The following DLC1 variants were observed in gnomAD, a reference collection of about 807,000 sequenced individuals.
DLC1 encodes the protein rho GTPase-activating protein 7.
DLC1 carries 54 observed loss-of-function variants against 140.3 expected under a neutral mutation model. That is an observed-to-expected ratio of 0.38 (90% CI 0.31 to 0.48). The LOEUF (loss-of-function observed/expected upper bound fraction) is 0.48. DLC1 is among the 20% of genes least tolerant of loss of function. The pLI is 0.96. For missense variants in DLC1, 2,536 were observed against 1,907.0 expected (o/e 1.33, Z -6.14); for synonymous variants, 986 against 728.1 (o/e 1.35, Z -5.70).
chr8:13,549,428 G>C (rs532318310), intron 1 of DLC1, among the ~76,000 whole-genome samples: 12 of 152,224 alleles, frequency 7.9e-5, no homozygotes, highest in African/African-American at 2.6e-4. Context: ...TAAAGCTCTA[G>C]ATAAGGTAAG....
At chr8:13,351,568 A>G (rs1834664133) in intron 4 of DLC1, among the ~76,000 whole-genome samples, 1 of 152,242 alleles carries the variant, frequency 6.6e-6, no homozygotes, top group Admixed American at 6.5e-5. Context: ...AATAGAAATC[A>G]TAGTGTCCAC....
chr8:13,138,736 G>T (rs539907923), intron 5 of DLC1, among the ~76,000 whole-genome samples: 1 of 152,210 alleles, frequency 6.6e-6, no homozygotes, highest in South Asian at 2.1e-4. Flanking sequence ...ACCCCAATCT[G>T]GGTTCTCCCC....
intron 4 of DLC1, among the ~76,000 whole-genome samples, chr8:13,326,081 A>G (rs977258685): frequency 3.9e-5 from 6 of 152,168 alleles, no homozygotes; most frequent in African/African-American, 1.4e-4. Flanking sequence ...GTGTAAGTTC[A>G]CTCTATGATG....
At chr8:13,462,551 C>T (rs1057162486) in intron 2 of DLC1, among the ~76,000 whole-genome samples, 5 of 147,294 alleles carry the variant, frequency 3.4e-5, no homozygotes, top group Non-Finnish European at 7.5e-5. Flanking sequence ...CTACAGGTGT[C>T]CGCCACCACG....
At chr8:13,379,610 C>A (rs576420379) in intron 4 of DLC1, among the ~76,000 whole-genome samples, 5 of 152,058 alleles carry the variant, frequency 3.3e-5, no homozygotes, top group Non-Finnish European at 7.4e-5. Context: ...AATTGGGGAC[C>A]CTCTTTACTT....
intron 1 of DLC1, chr8:13,536,220 A>C (rs1803277471): frequency 6.6e-6 from 1 of 152,242 alleles, no homozygotes; most frequent in Non-Finnish European, 1.5e-5. Context: ...CATATACAAC[A>C]CAAAGTGAAG....
intron 2 of DLC1, among the ~76,000 whole-genome samples, chr8:13,489,825 A>C (rs1377106482): frequency 6.6e-6 from 1 of 152,230 alleles, no homozygotes; most frequent in Non-Finnish European, 1.5e-5. Flanking sequence ...TATAGATTCT[A>C]CTAGAATTTG....
chr8:13,547,062 A>G (rs1196073366), intron 1 of DLC1, among the ~76,000 whole-genome samples: 1 of 152,124 alleles, frequency 6.6e-6, no homozygotes. Flanking sequence ...TTTTTATTGC[A>G]TGCGACTGCT....
chr8:13,224,252 T>C (rs1828685831), intron 5 of DLC1, among the ~76,000 whole-genome samples: 1 of 152,214 alleles, frequency 6.6e-6, no homozygotes, highest in Admixed American at 6.5e-5. Context: ...ACAAAGCTTT[T>C]ATAAAAATAG....
chr8:13,571,745 C>T (rs747197156), intron 1 of DLC1, among the ~76,000 whole-genome samples: 14 of 152,166 alleles, frequency 9.2e-5, no homozygotes, highest in Non-Finnish European at 1.8e-4. Flanking sequence ...TGCTGGATCA[C>T]GTGGTAATTC....
intron 4 of DLC1, among the ~76,000 whole-genome samples, chr8:13,382,529 A>AAAAAAGAAAGAAAG (rs557423876): frequency 9.1e-6 from 1 of 109,432 alleles, no homozygotes; most frequent in Non-Finnish European, 1.8e-5. Context: ...AAAAAAAAAA[A>AAAAAAGAAAGAAAG]AAAGAAAGAG....
intron 4 of DLC1, among the ~76,000 whole-genome samples, chr8:13,306,118 T>C (rs558987234): frequency 5.3e-5 from 8 of 151,254 alleles, no homozygotes; most frequent in Non-Finnish European, 8.8e-5. Flanking sequence ...GCAGCCTCTA[T>C]AAAGCGTACC....
intron 1 of DLC1, chr8:13,536,220 AC>A (rs1172558320): frequency 6.6e-6 from 1 of 152,124 alleles, no homozygotes; most frequent in Non-Finnish European, 1.5e-5. Flanking sequence ...CATATACAAC[AC>A]AAAGTGAAGG....
chr8:13,532,310 G>T lies in DLC1; in HGVS notation c.-125-32114C>A, dbSNP rs555998962. On this transcript the variant is annotated intron_variant, in intron 1 of 1. Coordinates refer to the DLC1 transcript ENST00000631382. Reference sequence around the variant, plus strand: ...ACAAAACCCCACAAATGCTAGAAGAGGCTTGCTTTCCCTGATTTCTTTTAC... The same window carrying T: ...ACAAAACCCCACAAATGCTAGAAGATGCTTGCTTTCCCTGATTTCTTTTAC... 2.6e-5 allele frequency among the ~76,000 whole-genome samples: 4 copies of T among 152,244 alleles called. No homozygotes were observed. The South Asian group carries it at 8.3e-4, about 32-fold the overall frequency.
Position 13,595,020 on chromosome 8 carries a change from GA to G in DLC1, c.-126+9516del, listed in dbSNP as rs561713576. On this transcript the variant is annotated intron_variant, in intron 1 of 1. Transcript: ENST00000631382. The stretch of plus-strand genomic sequence containing the variant: ...GTATAGACTTCTTCAATTGTTGTGA[GA>G]AAAAAAAAAGTGGACTAGCCTGGAT... Among the ~76,000 whole-genome samples the G allele has an allele frequency of 3.1e-4, 45 of 146,056 alleles. No homozygotes were observed. In the East Asian group the frequency reaches 3.8e-3, roughly 12 times the overall value.
chr8:13,516,869 C>G (rs766687693), upstream of DLC1, among the ~76,000 whole-genome samples: 1 of 152,124 alleles, frequency 6.6e-6, no homozygotes, highest in African/African-American at 2.4e-5. Context: ...TTCTCACAGT[C>G]AAATGATACA....
chr8:13,388,007 A>T (rs1261911520), intron 4 of DLC1, among the ~76,000 whole-genome samples: 1 of 152,042 alleles, frequency 6.6e-6, no homozygotes, highest in Non-Finnish European at 1.5e-5. Flanking sequence ...ACATTTTAAA[A>T]TTATATATAA....
chr8:13,140,069 A>G (rs1822862586), intron 5 of DLC1, among the ~76,000 whole-genome samples: 1 of 151,956 alleles, frequency 6.6e-6, no homozygotes. Flanking sequence ...CCCTTCCCCC[A>G]GCCCCTGGTA....
At chr8:13,446,762 G>A (rs1798792692) in intron 2 of DLC1, among the ~76,000 whole-genome samples, 1 of 152,108 alleles carries the variant, frequency 6.6e-6, no homozygotes, top group Admixed American at 6.6e-5. Flanking sequence ...CCAACATGGT[G>A]AAACCCTGTC....
Sources: gnomAD v4.1 joint callset for allele counts (sites outside exome capture counted in the v4.1 genomes callset) on GRCh38, gnomAD v4.1.1 for gene constraint, MANE v1.5 for transcripts, NCBI Gene and HGNC (gene_info 2026-07-23, HGNC 2026-07-21) for gene names.